The following CCDC170 variants were observed in gnomAD, a reference collection of about 807,000 sequenced individuals.
The protein encoded by CCDC170 is coiled-coil domain-containing protein 170.
In CCDC170, 69 loss-of-function variants were observed where a neutral mutation model predicts 72.6. The observed-to-expected ratio is 0.95, with a 90% CI of 0.78 to 1.16. CCDC170 has a LOEUF of 1.16. CCDC170 is among the 50% of genes most tolerant of loss of function. The pLI, the probability that CCDC170 is intolerant of heterozygous loss-of-function variation, is 0.00. For missense variants in CCDC170, 852 were observed against 832.5 expected (o/e 1.02, Z -0.29); for synonymous variants, 300 against 303.9 (o/e 0.99, Z 0.13).
rs149305162 is a variant in CCDC170, at chr6:151,523,583, C to T, written c.58-12735C>T. On this transcript the variant is annotated intron_variant, in intron 1 of 10. Coordinates refer to ENST00000239374, the MANE Select transcript of CCDC170 (RefSeq NM_025059.4). ...CGCCTGTAATCCCAGCTACTCGGGACGCTGAGGCAGGAAAATCTCTTGAAC... is the reference window on the plus strand; with the variant it reads ...CGCCTGTAATCCCAGCTACTCGGGATGCTGAGGCAGGAAAATCTCTTGAAC... Among the ~76,000 whole-genome samples the T allele has an allele frequency of 8.5e-3, 1,281 of 151,348 alleles. 6 individuals are homozygous for T. Among genetic ancestry groups the T allele is most frequent in the Non-Finnish European group, 0.012 (829 of 67,866 alleles).
intron 1 of CCDC170, among the ~76,000 whole-genome samples, chr6:151,520,433 C>T (rs968789325): frequency 2.0e-5 from 3 of 152,220 alleles, no homozygotes; most frequent in Non-Finnish European, 4.4e-5. Context: ...TTGTTTGTAA[C>T]CTTTAAGCTG....
chr6:151,512,058 T>A (rs1290122132), intron 1 of CCDC170, among the ~76,000 whole-genome samples: 5 of 152,032 alleles, frequency 3.3e-5, no homozygotes, highest in Admixed American at 3.3e-4. Context: ...TTGCCCAGGC[T>A]AGTCTCAGAC....
intron 1 of CCDC170, among the ~76,000 whole-genome samples, chr6:151,532,887 G>A (rs1188394599): frequency 1.3e-5 from 2 of 152,216 alleles, no homozygotes. Flanking sequence ...TGCCTTTTAA[G>A]CCCTGCTGCC....
chr6:151,601,466 T>C (rs1776708367), intron 9 of CCDC170, among the ~76,000 whole-genome samples: 1 of 152,106 alleles, frequency 6.6e-6, no homozygotes, highest in Non-Finnish European at 1.5e-5. Context: ...TATTGGTCAG[T>C]GTTCTCCAGA....
At chr6:151,549,465 G>A (rs1782840258) in intron 5 of CCDC170, among the ~76,000 whole-genome samples, 1 of 152,104 alleles carries the variant, frequency 6.6e-6, no homozygotes, top group Non-Finnish European at 1.5e-5. Context: ...TGAACAAATA[G>A]GTAATATATT....
At chr6:151,495,614 C>T (rs1368633343) in intron 1 of CCDC170, among the ~76,000 whole-genome samples, 1 of 152,160 alleles carries the variant, frequency 6.6e-6, no homozygotes, top group Non-Finnish European at 1.5e-5. Flanking sequence ...CCTCTCACCT[C>T]AGCCTCCAGA....
At chr6:151,515,166 T>C (rs1259451006) in intron 1 of CCDC170, among the ~76,000 whole-genome samples, 1 of 152,266 alleles carries the variant, frequency 6.6e-6, no homozygotes, top group Non-Finnish European at 1.5e-5. Flanking sequence ...ATCCTTGAAA[T>C]GCAAGAGCCT....
Position 151,619,092 on chromosome 6 carries a change from G to A in CCDC170, c.*945G>A, listed in dbSNP as rs753535505. 6.9e-6 allele frequency: 1 copy of A among 144,628 alleles called. No individual in the cohort carries two copies. 9.0% of individuals were successfully genotyped at this position (144,628 alleles called of 1,614,324 possible). On this transcript the variant is annotated 3_prime_UTR_variant, in exon 11 of 11. Coordinates refer to ENST00000239374, the MANE Select transcript of CCDC170 (RefSeq NM_025059.4). ...TATATGATTTCTTCAAAAAGCAAAA[G>A]CAATATACCTAATTCATTTGGATCA...
At chr6:151,502,582 T>C (rs1782007361) in intron 1 of CCDC170, among the ~76,000 whole-genome samples, 1 of 152,218 alleles carries the variant, frequency 6.6e-6, no homozygotes, top group African/African-American at 2.4e-5. Flanking sequence ...CCTAAGTCTT[T>C]TCTACTTCAG....
chr6:151,528,107 A>T (rs1287505382), intron 1 of CCDC170, among the ~76,000 whole-genome samples: 1 of 152,204 alleles, frequency 6.6e-6, no homozygotes, highest in African/African-American at 2.4e-5. Context: ...TTATCATAAT[A>T]ATATCAGTAG....
intron 5 of CCDC170, among the ~76,000 whole-genome samples, chr6:151,557,406 C>T (rs12212478): frequency 0.11 from 11,663 of 108,498 alleles, 558 homozygotes; most frequent in Non-Finnish European, 0.16. Context: ...GAGATTCTGT[C>T]TCAAAAAAAA....
intron 1 of CCDC170, among the ~76,000 whole-genome samples, chr6:151,504,383 A>T (rs1259199830): frequency 6.6e-6 from 1 of 152,204 alleles, no homozygotes; most frequent in Non-Finnish European, 1.5e-5. Context: ...GCTTACTTAC[A>T]GTTGAGTTAG....
At chr6:151,566,529 AT>A (rs1317688545) in intron 5 of CCDC170, among the ~76,000 whole-genome samples, 3 of 152,172 alleles carry the variant, frequency 2.0e-5, no homozygotes, top group East Asian at 3.8e-4. Flanking sequence ...ACAGAAAAAA[AT>A]ATTTAATAAG....
rs775579048 is a variant in CCDC170 at position 151,586,061 on chromosome 6, G to A, written c.1265G>A (p.Arg422Gln). The stretch of plus-strand genomic sequence containing the variant: ...GAGCTGGTTTCTGGAGGTGTTTTGC[G>A]AGACAACTTGAATTTTGAGAAACAA... The part of the protein sequence containing the change: ...EAELVSGGVL[R>Q]DNLNFEKQKY... The change falls in exon 7 of 11, where the codon CGA becomes CAA. Residue 422 changes from arginine (R) to glutamine (Q), a missense_variant. Physicochemically the swap from Arg to Gln is conservative, Grantham distance 43 (BLOSUM62 1). Transcript: ENST00000239374. 45 of 1,614,000 alleles carry A rather than the reference G, an allele frequency of 2.8e-5. No individual in the cohort carries two copies. The highest frequency in any genetic ancestry group is 2.5e-4 in the African/African-American group (19 of 74,926).
intron 5 of CCDC170, among the ~76,000 whole-genome samples, chr6:151,557,091 A>ATT (rs1782991495): frequency 6.6e-6 from 1 of 152,112 alleles, no homozygotes; most frequent in African/African-American, 2.4e-5. Context: ...ATAGTATTCC[A>ATT]TTGTGTATAT....
intron 1 of CCDC170, 58 bp from the exon 2 acceptor site, chr6:151,536,260 C>A: frequency 6.3e-7 from 1 of 1,591,124 alleles, no homozygotes; most frequent in Non-Finnish European, 8.6e-7. Context: ...TGCAGCTGCA[C>A]GGAAAAGATC....
At chr6:151,565,197 C>T (rs1776113439) in intron 5 of CCDC170, among the ~76,000 whole-genome samples, 1 of 152,138 alleles carries the variant, frequency 6.6e-6, no homozygotes, top group East Asian at 1.9e-4. Context: ...TGTGGAGATG[C>T]AGGGGCTGTT....
At chr6:151,533,228 T>C (rs73615734) in intron 1 of CCDC170, among the ~76,000 whole-genome samples, 1 of 151,012 alleles carries the variant, frequency 6.6e-6, no homozygotes, top group African/African-American at 2.4e-5. Flanking sequence ...TAATTTTTTT[T>C]TATTTTTAGT....
At chr6:151,572,713 G>T (rs1356989066) in intron 5 of CCDC170, among the ~76,000 whole-genome samples, 1 of 126,698 alleles carries the variant, frequency 7.9e-6, no homozygotes, top group African/African-American at 3.0e-5. Context: ...ACAGTGGAGT[G>T]ATCTCAGTTC....
Sources: gnomAD v4.1 joint callset for allele counts (sites outside exome capture counted in the v4.1 genomes callset) on GRCh38, gnomAD v4.1.1 for gene constraint, MANE v1.5 for transcripts, NCBI Gene and HGNC (gene_info 2026-07-23, HGNC 2026-07-21) for gene names.